The following ALOX5 variants were observed in gnomAD, a reference collection of about 807,000 sequenced individuals.
ALOX5 encodes polyunsaturated fatty acid 5-lipoxygenase.
Under a neutral mutation model 87.9 loss-of-function variants are expected in ALOX5, and 64 were observed. The observed-to-expected ratio is 0.73, with a 90% confidence interval of 0.60 to 0.90. The LOEUF (loss-of-function observed/expected upper bound fraction) is 0.90, where lower values mean the gene tolerates loss of function less well. Ranked by LOEUF, ALOX5 falls within the 40% of genes least tolerant of loss-of-function variation. The pLI is 0.00. For missense variants in ALOX5, 822 were observed against 907.5 expected, an observed-to-expected ratio of 0.91 and a Z score of 1.21; for synonymous variants, 388 against 355.1, an observed-to-expected ratio of 1.09 and a Z score of -1.04.
chr10:45,417,569 C>T (rs973883905), intron 4 of ALOX5, among the ~76,000 whole-genome samples: 15 of 152,150 alleles, frequency 9.9e-5, no homozygotes, highest in African/African-American at 3.6e-4. Flanking sequence ...CCCTGGGCTC[C>T]ATCTCTCAAG....
chr10:45,396,347 TAA>T (rs925708662), intron 3 of ALOX5, among the ~76,000 whole-genome samples: 2 of 75,608 alleles, frequency 2.6e-5, no homozygotes, highest in Admixed American at 1.3e-4. Context: ...AAATGAGCAA[TAA>T]GAGAAAATCA....
At chr10:45,420,945 C>G (rs563620173) in intron 4 of ALOX5, among the ~76,000 whole-genome samples, 2 of 152,186 alleles carry the variant, frequency 1.3e-5, no homozygotes, top group African/African-American at 4.8e-5. Context: ...GGGGGCTCAC[C>G]GGGCACATGG....
chr10:45,415,329 G>A (rs750366752), intron 4 of ALOX5, among the ~76,000 whole-genome samples: 3 of 152,040 alleles, frequency 2.0e-5, no homozygotes, highest in East Asian at 3.9e-4. Flanking sequence ...GCAAACTATC[G>A]CAAGGACAAA....
At chr10:45,376,106 T>C (rs55787481) in intron 1 of ALOX5, among the ~76,000 whole-genome samples, 25,552 of 152,158 alleles carry the variant, frequency 0.17, 2,219 homozygotes, top group South Asian at 0.19. Flanking sequence ...TGTGCTTTCC[T>C]CCTGCAGGGG....
At chr10:45,423,457 C>T (rs1379417096) in intron 4 of ALOX5, among the ~76,000 whole-genome samples, 1 of 152,242 alleles carries the variant, frequency 6.6e-6, no homozygotes. Context: ...CCACACCCTG[C>T]CTCCTCCAGG....
intron 7 of ALOX5, among the ~76,000 whole-genome samples, chr10:45,431,850 G>A (rs1198578926): frequency 6.6e-6 from 1 of 152,114 alleles, no homozygotes; most frequent in African/African-American, 2.4e-5. Context: ...GGCATTACAG[G>A]CGTGAGCTAC....
At chr10:45,405,620 G>T in intron 3 of ALOX5, among the ~76,000 whole-genome samples, 1 of 151,858 alleles carries the variant, frequency 6.6e-6, no homozygotes, top group Non-Finnish European at 1.5e-5. Flanking sequence ...TAACTTTTGG[G>T]TTTCCTCCTT....
chr10:45,434,548 GT>G (rs1842007333), intron 7 of ALOX5, among the ~76,000 whole-genome samples: 1 of 152,206 alleles, frequency 6.6e-6, no homozygotes, highest in South Asian at 2.1e-4. Flanking sequence ...TCCACAATGA[GT>G]TAACAGTGGA....
At chr10:45,427,548 C>T (rs1841758022) in intron 6 of ALOX5, among the ~76,000 whole-genome samples, 1 of 152,208 alleles carries the variant, frequency 6.6e-6, no homozygotes, top group Admixed American at 6.5e-5. Flanking sequence ...CGCCGGGCAG[C>T]CCGGGGGTCC....
chr10:45,428,989 C>T (rs1044498468), intron 7 of ALOX5, among the ~76,000 whole-genome samples: 2 of 151,992 alleles, frequency 1.3e-5, no homozygotes, highest in Admixed American at 1.3e-4. Flanking sequence ...GAGGACCTGC[C>T]CTGGGATCAT....
chr10:45,387,944 GACAGTGGGGGCAGA>G (rs1161676894), intron 2 of ALOX5, among the ~76,000 whole-genome samples: 1 of 152,170 alleles, frequency 6.6e-6, no homozygotes, highest in Non-Finnish European at 1.5e-5. Context: ...GGGATTGTTG[GACAGTGGGGGCAGA>G]ACAGTGGGGG....
intron 7 of ALOX5, among the ~76,000 whole-genome samples, chr10:45,434,919 G>T (rs1842015947): frequency 6.6e-6 from 1 of 152,052 alleles, no homozygotes; most frequent in African/African-American, 2.4e-5. Flanking sequence ...TCTTTCTCAG[G>T]CTCTCCTGTC....
chr10:45,420,099 A>C (rs879615115), intron 4 of ALOX5, among the ~76,000 whole-genome samples: 62 of 152,372 alleles, frequency 4.1e-4, no homozygotes, highest in African/African-American at 1.5e-3. Context: ...TGACACAAGT[A>C]GGATTCTCCC....
chr10:45,391,225 T>G (rs1840233034), intron 2 of ALOX5, among the ~76,000 whole-genome samples: 1 of 152,032 alleles, frequency 6.6e-6, no homozygotes, highest in South Asian at 2.1e-4. Flanking sequence ...GCCGAGTGCC[T>G]GCGATTGCAG....
intron 4 of ALOX5, among the ~76,000 whole-genome samples, chr10:45,419,360 G>A (rs1482844309): frequency 6.6e-6 from 1 of 152,194 alleles, no homozygotes; most frequent in Non-Finnish European, 1.5e-5. Context: ...GCGAAGATGA[G>A]TCCAGGGGTT....
intron 4 of ALOX5, among the ~76,000 whole-genome samples, chr10:45,414,478 A>C (rs1428289215): frequency 2.0e-5 from 3 of 152,226 alleles, no homozygotes; most frequent in East Asian, 1.9e-4. Flanking sequence ...CTAAAACCAT[A>C]AAAACCCTAG....
At chr10:45,397,356 G>T (rs1329186498) in intron 3 of ALOX5, among the ~76,000 whole-genome samples, 1 of 152,196 alleles carries the variant, frequency 6.6e-6, no homozygotes, top group Non-Finnish European at 1.5e-5. Flanking sequence ...CTCCAGCATG[G>T]TGACAAGCAA....
At chr10:45,418,260 G>A (rs1168295204) in intron 4 of ALOX5, among the ~76,000 whole-genome samples, 1 of 152,170 alleles carries the variant, frequency 6.6e-6, no homozygotes, top group Non-Finnish European at 1.5e-5. Context: ...GTGGGGATGA[G>A]GGGTGCCTGG....
intron 7 of ALOX5, among the ~76,000 whole-genome samples, chr10:45,433,554 G>A (rs1184330544): frequency 6.6e-6 from 1 of 152,224 alleles, no homozygotes; most frequent in Admixed American, 6.5e-5. Flanking sequence ...TTGCAGGTAA[G>A]GGTTTTTAAA....
Sources: gnomAD v4.1 joint callset for allele counts (sites outside exome capture counted in the v4.1 genomes callset) on GRCh38, gnomAD v4.1.1 for gene constraint, MANE v1.5 for transcripts, NCBI Gene and HGNC (gene_info 2026-07-23, HGNC 2026-07-21) for gene names.